The following SPMIP6 variants were observed in gnomAD, a reference collection of about 807,000 sequenced individuals.
SPMIP6 encodes ciliated bronchial epithelial protein 1.
chr9:34,392,385 T>C, the SPMIP6 span, among the ~76,000 whole-genome samples: 1 of 152,064 alleles, frequency 6.6e-6, no homozygotes, highest in African/African-American at 2.4e-5. This position sits in a 1 kb window ranked among gnomAD's most constrained non-coding sequence, Gnocchi z 4.6. Flanking sequence ...TTTGTAATTA[T>C]AATATCTTCC....
the SPMIP6 span, among the ~76,000 whole-genome samples, chr9:34,391,839 G>C: frequency 1.4e-4 from 21 of 151,892 alleles, no homozygotes; most frequent in Non-Finnish European, 2.5e-4. Context: ...TTGGGTTCAG[G>C]GCTTTATTTA....
the SPMIP6 span, among the ~76,000 whole-genome samples, chr9:34,391,330 T>C: frequency 6.6e-6 from 1 of 152,198 alleles, no homozygotes; most frequent in Non-Finnish European, 1.5e-5. Context: ...TTGTCTATTT[T>C]ATGAGCCTCA....
At chr9:34,381,609 C>G in the SPMIP6 span, 88 of 1,441,592 alleles carry the variant, frequency 6.1e-5, no homozygotes, top group Non-Finnish European at 7.9e-5. The surrounding 1 kb of genome is among the most constrained non-coding windows in gnomAD (Gnocchi z 4.4). Flanking sequence ...CACCGGGCAA[C>G]GCTTTTACAT....
chr9:34,382,819 T>C, the SPMIP6 span: 1 of 1,614,192 alleles, frequency 6.2e-7, no homozygotes. Context: ...GGTTCCATCC[T>C]CCATGTGTTG....
At chr9:34,385,900 C>A in the SPMIP6 span, 1,349 of 936,398 alleles carry the variant, frequency 1.4e-3, 2 homozygotes, top group Non-Finnish European at 2.0e-3. Flanking sequence ...TCCCAACCCC[C>A]CTCCCCATGT....
the SPMIP6 span, among the ~76,000 whole-genome samples, chr9:34,389,259 T>G: frequency 6.6e-6 from 1 of 152,166 alleles, no homozygotes; most frequent in East Asian, 1.9e-4. Context: ...TTGATGAACC[T>G]CTTCTTGTGT....
chr9:34,397,740 G>T, the SPMIP6 span: 8 of 1,154,602 alleles, frequency 6.9e-6, no homozygotes, highest in African/African-American at 3.1e-5. Context: ...CCTGGCAGGT[G>T]CCCTTAGCTG....
At chr9:34,382,867 C>T in the SPMIP6 span, 1 of 1,604,984 alleles carries the variant, frequency 6.2e-7, no homozygotes, top group East Asian at 2.2e-5. Context: ...CTGCATTTGT[C>T]TGCTGGATAA....
chr9:34,390,768 T>C, the SPMIP6 span, among the ~76,000 whole-genome samples: 112 of 152,188 alleles, frequency 7.4e-4, no homozygotes, highest in Middle Eastern at 0.01. Flanking sequence ...CATAGGTGTG[T>C]GCCACCACAC....
At chr9:34,389,358 A>G in the SPMIP6 span, among the ~76,000 whole-genome samples, 1 of 152,314 alleles carries the variant, frequency 6.6e-6, no homozygotes, top group Non-Finnish European at 1.5e-5. Context: ...TAAACACAAA[A>G]GTTTTACTTT....
the SPMIP6 span, chr9:34,380,779 C>A: frequency 6.6e-7 from 1 of 1,526,588 alleles, no homozygotes; most frequent in Non-Finnish European, 8.8e-7. Context: ...GCGTGCAGCG[C>A]GGGGCTAGAG....
chr9:34,395,672 C>T, the SPMIP6 span, among the ~76,000 whole-genome samples: 10 of 152,156 alleles, frequency 6.6e-5, no homozygotes, highest in Admixed American at 1.3e-4. Context: ...TAACTACTTG[C>T]CAAACATCTT....
At chr9:34,379,500 C>A in the SPMIP6 span, 1 of 773,002 alleles carries the variant, frequency 1.3e-6, no homozygotes, top group Non-Finnish European at 2.3e-6. The surrounding 1 kb of genome is among the most constrained non-coding windows in gnomAD (Gnocchi z 4.2). Flanking sequence ...TTTGACTGCT[C>A]CATGCCACTA....
At chr9:34,395,349 T>TA in the SPMIP6 span, among the ~76,000 whole-genome samples, 1 of 152,192 alleles carries the variant, frequency 6.6e-6, no homozygotes, top group Non-Finnish European at 1.5e-5. Flanking sequence ...TACCAAGAGT[T>TA]ACTACATCCG....
the SPMIP6 span, chr9:34,379,305 C>G: frequency 6.0e-6 from 4 of 667,930 alleles, no homozygotes; most frequent in African/African-American, 7.1e-5. This position sits in a 1 kb window ranked among gnomAD's most constrained non-coding sequence, Gnocchi z 4.2. Context: ...GGTTCCAATA[C>G]TGACCTCCTG....
At chr9:34,388,141 CTTT>C in the SPMIP6 span, among the ~76,000 whole-genome samples, 78 of 134,934 alleles carry the variant, frequency 5.8e-4, no homozygotes, top group Admixed American at 5.9e-4. Context: ...AGTTTAACTG[CTTT>C]TTTTTTTTTT....
the SPMIP6 span, among the ~76,000 whole-genome samples, chr9:34,394,877 TA>T: frequency 6.6e-6 from 1 of 152,162 alleles, no homozygotes; most frequent in Non-Finnish European, 1.5e-5. Context: ...AATTAATTTT[TA>T]TTCAGAACTT....
chr9:34,382,520 G>A, the SPMIP6 span: 2 of 526,044 alleles, frequency 3.8e-6, no homozygotes, highest in Non-Finnish European at 6.9e-6. Context: ...AGGAGGCAGA[G>A]GTTGCAGTGA....
the SPMIP6 span, chr9:34,381,229 A>G: frequency 4.5e-6 from 7 of 1,566,504 alleles, no homozygotes; most frequent in South Asian, 8.4e-5. This position sits in a 1 kb window ranked among gnomAD's most constrained non-coding sequence, Gnocchi z 4.4. Context: ...GACAAAAGCC[A>G]GGACGGATAG....
Sources: allele counts gnomAD v4.1 joint callset (sites outside exome capture counted in the v4.1 genomes callset), GRCh38; gene constraint gnomAD v4.1.1; non-coding constraint Gnocchi (gnomAD v3.1); transcripts MANE v1.5; gene names NCBI Gene and HGNC (gene_info 2026-07-23, HGNC 2026-07-21).